Variants in GABBR2 observed in about 807,000 individuals in gnomAD.
The protein encoded by GABBR2 is gamma-aminobutyric acid type B receptor subunit 2, also known as G-protein coupled receptor 51.
A neutral mutation model predicts 105.6 loss-of-function variants in GABBR2; 23 were observed. That is an observed-to-expected ratio of 0.22 (90% CI 0.16 to 0.31). GABBR2 has a LOEUF of 0.31. Among genes scored for constraint, GABBR2 ranks in the 10% least tolerant of loss-of-function variants. GABBR2 has a pLI of 1.00. For synonymous variants in GABBR2, 478 were observed against 499.7 expected, an observed-to-expected ratio of 0.96 and a Z score of 0.58; for missense variants, 734 against 1,245.5, an observed-to-expected ratio of 0.59 and a Z score of 6.18.
At chr9:98,678,244 T>C (rs1830499512) in intron 1 of GABBR2, among the ~76,000 whole-genome samples, 1 of 152,244 alleles carries the variant, frequency 6.6e-6, no homozygotes, top group East Asian at 1.9e-4. Flanking sequence ...CTTGATCATA[T>C]TGTTTTCATC....
rs1831753850 is a variant in GABBR2, at chr9:98,370,194, G to C, written c.1770+1270C>G. On this transcript the variant is annotated intron_variant, in intron 12 of 18. Transcript: ENST00000259455. ...GTGGGCCATGGGTGAGGGAGAGTTT[G>C]TGTGGCCCTGTCCAGGACTAGCTGG... Among the ~76,000 whole-genome samples, 7 of 152,136 alleles carry C rather than the reference G, an allele frequency of 4.6e-5. No individual in the cohort carries two copies. In the South Asian group the frequency reaches 1.5e-3, roughly 32 times the overall value.
In GABBR2 at chr9:98,614,780, G is replaced by GGGGA. The variant is rs1023722715; in HGVS notation, c.322-36712_322-36709dup. On this transcript the variant is annotated intron_variant, in intron 1 of 18. Transcript: ENST00000259455. ...ATGGAGAAGGATAAAAAGATGCTTT[G>GGGGA]GGGAGGGAGGGAGGGAGAGAGACAG... 3.4e-4 allele frequency among the ~76,000 whole-genome samples: 52 copies of GGGGA among 152,024 alleles called. 1 individual carries two copies. In the East Asian group the frequency reaches 8.9e-3, roughly 26 times the overall value.
chr9:98,560,054 A>G (rs1026374807), intron 2 of GABBR2, among the ~76,000 whole-genome samples: 9 of 152,008 alleles, frequency 5.9e-5, no homozygotes, highest in African/African-American at 2.2e-4. Context: ...TAAATTAAAA[A>G]CTAATAACAA....
At chr9:98,582,445 C>A (rs547293996) in intron 1 of GABBR2, among the ~76,000 whole-genome samples, 26 of 152,264 alleles carry the variant, frequency 1.7e-4, no homozygotes, top group African/African-American at 6.3e-4. Context: ...GCCCAGATGA[C>A]ACTTTGATTT....
intron 10 of GABBR2, among the ~76,000 whole-genome samples, chr9:98,386,577 G>A (rs961098682): frequency 9.9e-5 from 15 of 152,054 alleles, no homozygotes; most frequent in Non-Finnish European, 1.8e-4. Context: ...ATTTCCTCCC[G>A]GAACCCTGTG....
intron 1 of GABBR2, among the ~76,000 whole-genome samples, chr9:98,644,602 G>T (rs1312069057): frequency 6.6e-6 from 1 of 152,218 alleles, no homozygotes; most frequent in African/African-American, 2.4e-5. Context: ...AGCACTTCGG[G>T]AGGCTGAGGT....
intron 3 of GABBR2, among the ~76,000 whole-genome samples, chr9:98,541,107 G>A (rs1160569771): frequency 1.3e-5 from 2 of 152,284 alleles, no homozygotes; most frequent in East Asian, 3.9e-4. Flanking sequence ...GGTAAGTTAC[G>A]ATATACCCAT....
At chr9:98,425,006 A>G (rs548143748) in intron 7 of GABBR2, among the ~76,000 whole-genome samples, 12 of 152,240 alleles carry the variant, frequency 7.9e-5, no homozygotes, top group African/African-American at 2.9e-4. Context: ...TGGAACCAAA[A>G]AAGAGCCCGC....
intron 7 of GABBR2, among the ~76,000 whole-genome samples, chr9:98,441,614 G>A (rs1410505060): frequency 6.6e-6 from 1 of 152,180 alleles, no homozygotes; most frequent in Non-Finnish European, 1.5e-5. Context: ...TTATCCACCT[G>A]CCTTGGCCTC....
At chr9:98,684,603 C>T (rs1830597325) in intron 1 of GABBR2, among the ~76,000 whole-genome samples, 1 of 152,128 alleles carries the variant, frequency 6.6e-6, no homozygotes, top group South Asian at 2.1e-4. Flanking sequence ...CTCATGATAC[C>T]CAATGATATC....
chr9:98,320,901 C>T (rs948722596), intron 13 of GABBR2, among the ~76,000 whole-genome samples: 3 of 151,616 alleles, frequency 2.0e-5, no homozygotes, highest in Admixed American at 2.0e-4. Flanking sequence ...GTGGGTGCAG[C>T]ACACCAGCAT....
intron 1 of GABBR2, among the ~76,000 whole-genome samples, chr9:98,701,765 C>T (rs778025549): frequency 6.6e-6 from 1 of 152,154 alleles, no homozygotes; most frequent in Non-Finnish European, 1.5e-5. Context: ...TCTGCACCCT[C>T]TTCTGCCAGC....
Position 98,480,974 on chromosome 9 carries a change from A to T in GABBR2, c.756T>A (p.Leu252=). Residue 252 remains leucine, a synonymous_variant, in exon 5 of 19, where the codon CTT becomes CTA. Coordinates refer to ENST00000259455, the MANE Select transcript of GABBR2 (RefSeq NM_005458.8). ...KLKGNDVRII[L]GQFDQNMAAK... ...CTGCCATATTCTGGTCAAACTGGCCAAGGATGATCCGCACATCATTCCCCT... is the reference window on the plus strand; with the variant it reads ...CTGCCATATTCTGGTCAAACTGGCCTAGGATGATCCGCACATCATTCCCCT... The T allele has an allele frequency of 6.2e-7, 1 of 1,606,292 alleles. No homozygotes were observed. Among genetic ancestry groups the T allele is most frequent in the Non-Finnish European group, 8.5e-7 (1 of 1,172,832 alleles).
chr9:98,398,236 C>G (rs955399515), intron 8 of GABBR2, among the ~76,000 whole-genome samples: 4 of 152,096 alleles, frequency 2.6e-5, no homozygotes. Flanking sequence ...CACACTGAGA[C>G]ACAATGTATA....
At chr9:98,434,994 G>T (rs1435248726) in intron 7 of GABBR2, among the ~76,000 whole-genome samples, 4 of 151,846 alleles carry the variant, frequency 2.6e-5, no homozygotes, top group African/African-American at 9.7e-5. Context: ...ACCTAGGCTG[G>T]AGTGGGTTCT....
chr9:98,455,426 A>T, intron 6 of GABBR2, among the ~76,000 whole-genome samples: 1 of 152,088 alleles, frequency 6.6e-6, no homozygotes, highest in East Asian at 1.9e-4. Context: ...AAAATCACAC[A>T]CAGGACAATT....
At chr9:98,582,736 A>C (rs1219634350) in intron 1 of GABBR2, among the ~76,000 whole-genome samples, 1 of 152,250 alleles carries the variant, frequency 6.6e-6, no homozygotes, top group Non-Finnish European at 1.5e-5. Context: ...CTGTTACAAA[A>C]GGATAGAAAT....
chr9:98,413,415 A>G (rs753719252), intron 7 of GABBR2, among the ~76,000 whole-genome samples: 15 of 152,092 alleles, frequency 9.9e-5, no homozygotes, highest in Non-Finnish European at 1.8e-4. Flanking sequence ...AATTGAGTAT[A>G]TCCACCCACA....
chr9:98,657,153 G>A (rs372163127), intron 1 of GABBR2, among the ~76,000 whole-genome samples: 4 of 152,198 alleles, frequency 2.6e-5, no homozygotes, highest in South Asian at 2.1e-4. Context: ...CCCTGCAGAG[G>A]GGGAGGGCTC....
Sources: allele counts gnomAD v4.1 joint callset (sites outside exome capture counted in the v4.1 genomes callset), GRCh38; gene constraint gnomAD v4.1.1; transcripts MANE v1.5; gene names NCBI Gene and HGNC (gene_info 2026-07-23, HGNC 2026-07-21).